Variants in NEDD9 observed in about 807,000 individuals in gnomAD.
NEDD9 encodes neural precursor cell expressed, developmentally down-regulated 9.
In NEDD9, 26 loss-of-function variants were observed where a neutral mutation model predicts 76.6. That is an observed-to-expected ratio of 0.34 (90% CI 0.25 to 0.47). The LOEUF (loss-of-function observed/expected upper bound fraction) is 0.47. Ranked by LOEUF, NEDD9 falls within the 20% of genes least tolerant of loss-of-function variation. The pLI is 1.00. For missense variants in NEDD9, 937 were observed against 1,058.5 expected (o/e 0.89, Z 1.59); for synonymous variants, 392 against 414.2 (o/e 0.95, Z 0.65).
chr6:11,341,302 T>C (rs1055452307), intron 1 of NEDD9, among the ~76,000 whole-genome samples: 3 of 152,156 alleles, frequency 2.0e-5, no homozygotes, highest in African/African-American at 7.2e-5. Context: ...GCTGTCTGCC[T>C]GGAGACTTGA....
upstream of NEDD9, among the ~76,000 whole-genome samples, chr6:11,234,211 A>T (rs1759554505): frequency 6.6e-6 from 1 of 152,206 alleles, no homozygotes; most frequent in African/African-American, 2.4e-5. Context: ...ACACAAATTA[A>T]GCACGCAGCA....
chr6:11,204,116 C>T (rs987033767), intron 2 of NEDD9, among the ~76,000 whole-genome samples: 3 of 152,146 alleles, frequency 2.0e-5, no homozygotes, highest in African/African-American at 7.2e-5. Flanking sequence ...TGCCATTTCA[C>T]AGTTGAGGGA....
intron 3 of NEDD9, among the ~76,000 whole-genome samples, chr6:11,286,636 A>C (rs1202707805): frequency 6.6e-6 from 1 of 152,246 alleles, no homozygotes; most frequent in African/African-American, 2.4e-5. Context: ...ACTCAGCCAT[A>C]ATGAAAATAA....
intron 1 of NEDD9, among the ~76,000 whole-genome samples, chr6:11,367,741 G>A (rs1284119526): frequency 6.6e-6 from 1 of 152,180 alleles, no homozygotes; most frequent in African/African-American, 2.4e-5. Flanking sequence ...CTTCCCTGGA[G>A]ACCAAACTCC....
intron 2 of NEDD9, among the ~76,000 whole-genome samples, chr6:11,324,075 T>C (rs1322868129): frequency 1.3e-5 from 2 of 152,184 alleles, no homozygotes; most frequent in African/African-American, 4.8e-5. Flanking sequence ...CCCACAAGGA[T>C]GCCGGGGAGG....
intron 3 of NEDD9, among the ~76,000 whole-genome samples, chr6:11,283,659 CTCTT>C (rs1760583050): frequency 6.6e-6 from 1 of 152,178 alleles, no homozygotes; most frequent in African/African-American, 2.4e-5. Context: ...TCTTGAATGC[CTCTT>C]TCTTGAATCT....
chr6:11,189,080 G>A (rs948370770), intron 5 of NEDD9, among the ~76,000 whole-genome samples: 3 of 151,968 alleles, frequency 2.0e-5, no homozygotes, highest in African/African-American at 7.3e-5. Flanking sequence ...CCAAGTAGCT[G>A]GGACTACAGG....
intron 3 of NEDD9, chr6:11,305,476 T>G (rs1233544585): frequency 4.8e-6 from 1 of 208,432 alleles, no homozygotes; most frequent in Admixed American, 5.3e-5. Flanking sequence ...TTCTACTGAA[T>G]TTTCATAAAA....
At chr6:11,353,913 T>A (rs1762517683) in intron 1 of NEDD9, among the ~76,000 whole-genome samples, 1 of 152,090 alleles carries the variant, frequency 6.6e-6, no homozygotes, top group African/African-American at 2.4e-5. Flanking sequence ...CTCAAATGAA[T>A]GTCAGGGCAG....
chr6:11,361,300 G>A (rs370839516), intron 1 of NEDD9, among the ~76,000 whole-genome samples: 6 of 152,124 alleles, frequency 3.9e-5, no homozygotes, highest in Non-Finnish European at 5.9e-5. Context: ...GGAAATGCCC[G>A]AGACTGGGTT....
chr6:11,327,611 A>G (rs148066009), intron 2 of NEDD9, among the ~76,000 whole-genome samples: 2 of 152,360 alleles, frequency 1.3e-5, no homozygotes, highest in East Asian at 3.9e-4. Context: ...TCACCTGATA[A>G]CTTCAGTGCC....
chr6:11,255,709 G>A (rs188657360), intron 3 of NEDD9, among the ~76,000 whole-genome samples: 87 of 152,168 alleles, frequency 5.7e-4, no homozygotes, highest in Non-Finnish European at 7.4e-4. Flanking sequence ...GGAGCCATGC[G>A]AGGCCTTTTG....
intron 1 of NEDD9, among the ~76,000 whole-genome samples, chr6:11,338,920 C>CAAAAA (rs34260918): frequency 1.3e-5 from 1 of 77,578 alleles, no homozygotes; most frequent in African/African-American, 3.7e-5. Context: ...GACTCTGTCT[C>CAAAAA]AAAAAAAAAA....
chr6:11,352,044 G>C (rs142049107), intron 1 of NEDD9: 1 of 152,234 alleles, frequency 6.6e-6, no homozygotes, highest in East Asian at 1.9e-4. Flanking sequence ...TGGTTCACCC[G>C]TGTGTGTTCA....
chr6:11,274,732 G>T (rs1760383643), intron 3 of NEDD9, among the ~76,000 whole-genome samples: 1 of 152,194 alleles, frequency 6.6e-6, no homozygotes, highest in African/African-American at 2.4e-5. Flanking sequence ...TGTTGGTGAA[G>T]ATGTGAATAA....
intron 2 of NEDD9, among the ~76,000 whole-genome samples, chr6:11,317,072 A>G (rs1210860803): frequency 2.6e-5 from 4 of 152,220 alleles, no homozygotes; most frequent in African/African-American, 9.6e-5. Flanking sequence ...GAGATTTTAT[A>G]GTCATGAGCC....
intron 1 of NEDD9, among the ~76,000 whole-genome samples, chr6:11,349,658 A>G (rs1415648363): frequency 6.6e-6 from 1 of 152,212 alleles, no homozygotes; most frequent in African/African-American, 2.4e-5. Context: ...TCCTCAGCAT[A>G]CTAATCGGGA....
intron 1 of NEDD9, among the ~76,000 whole-genome samples, chr6:11,349,154 C>A (rs1156793545): frequency 1.3e-5 from 2 of 152,098 alleles, no homozygotes; most frequent in Non-Finnish European, 2.9e-5. Flanking sequence ...ATGTGACCAA[C>A]AAGCATATGA....
At chr6:11,308,050 C>G (rs1761244022) in intron 2 of NEDD9, among the ~76,000 whole-genome samples, 2 of 152,192 alleles carry the variant, frequency 1.3e-5, no homozygotes, top group African/African-American at 4.8e-5. Context: ...TCCAAACCTA[C>G]TTCCTGGTCT....
Sources: allele counts gnomAD v4.1 joint callset (sites outside exome capture counted in the v4.1 genomes callset), GRCh38; gene constraint gnomAD v4.1.1; transcripts MANE v1.5; gene names NCBI Gene and HGNC (gene_info 2026-07-23, HGNC 2026-07-21).